The following SMYD2 variants were observed in gnomAD, a reference collection of about 807,000 sequenced individuals.
SMYD2 encodes the protein N-lysine methyltransferase SMYD2.
SMYD2 carries 53 observed loss-of-function variants against 59.1 expected under a neutral mutation model. The ratio of observed to expected loss-of-function variants is 0.90; its 90% CI spans 0.72 to 1.13. SMYD2 has a LOEUF of 1.13. SMYD2 is among the 50% of genes most tolerant of loss of function. The pLI is 0.00. For synonymous variants in SMYD2, 208 were observed against 198.8 expected (o/e 1.05, Z -0.39); for missense variants, 494 against 544.7 (o/e 0.91, Z 0.93).
chr1:214,290,377 G>T (rs1344947848), intron 1 of SMYD2, among the ~76,000 whole-genome samples: 1 of 152,190 alleles, frequency 6.6e-6, no homozygotes, highest in Non-Finnish European at 1.5e-5. Context: ...TCTTGTACAT[G>T]AAGTGGAAGG....
chr1:214,316,206 C>T (rs1039647921), intron 3 of SMYD2, among the ~76,000 whole-genome samples: 4 of 152,144 alleles, frequency 2.6e-5, no homozygotes, highest in Non-Finnish European at 5.9e-5. Flanking sequence ...CATAGTGGCT[C>T]ATACCTGTAA....
rs756823866 is a variant in SMYD2, at chr1:214,299,465, T to TTATATATATA, written c.174-5713_174-5704dup. On this transcript the variant is annotated intron_variant, in intron 1 of 11. Transcript: ENST00000366957. ...AACAGTGAACTGGATAAAGAAAACA[T>TTATATATATA]TATATATATATATATATACACCATA... is the stretch of plus-strand genomic sequence containing the variant. 1.2e-3 allele frequency among the ~76,000 whole-genome samples: 86 copies of TTATATATATA among 71,598 alleles called. 2 individuals are homozygous for TTATATATATA. The highest frequency in any genetic ancestry group is 7.4e-3 in the East Asian group (25 of 3,390). The allele number at this position is 71,598 out of a possible 152,430, so 47.0% of individuals were successfully genotyped here. A position where few individuals can be genotyped will look rare whatever the true frequency, so the allele number is the denominator to read the frequency against.
chr1:214,281,551 G>C (rs1445036466), intron 1 of SMYD2, 124 bp downstream of exon 1: 3 of 893,950 alleles, frequency 3.4e-6, no homozygotes, highest in East Asian at 5.9e-5. Flanking sequence ...GGGCGGGGTG[G>C]GGGGCGGGGA....
At chr1:214,323,129 C>A (rs774880449) in intron 5 of SMYD2, among the ~76,000 whole-genome samples, 1 of 152,124 alleles carries the variant, frequency 6.6e-6, no homozygotes, top group Non-Finnish European at 1.5e-5. Context: ...CAGTTTCGTC[C>A]TCTAAAAAGT....
chr1:214,335,809 A>G (rs1657426570), intron 11 of SMYD2, among the ~76,000 whole-genome samples: 1 of 152,206 alleles, frequency 6.6e-6, no homozygotes, highest in South Asian at 2.1e-4. Flanking sequence ...AAACCACTGG[A>G]AACTTGACCA....
At chr1:214,317,582 C>T (rs749332769) in intron 3 of SMYD2, among the ~76,000 whole-genome samples, 10 of 152,206 alleles carry the variant, frequency 6.6e-5, no homozygotes, top group Non-Finnish European at 1.3e-4. Flanking sequence ...GTGTCTAGAA[C>T]AAAGCCAGCA....
intron 8 of SMYD2, 40 bp downstream of exon 8, chr1:214,330,318 G>T (rs1285204687): frequency 7.4e-7 from 1 of 1,357,184 alleles, no homozygotes; most frequent in South Asian, 1.2e-5. Flanking sequence ...ACTGCACTCT[G>T]ATCTCAGGAC....
intron 1 of SMYD2, among the ~76,000 whole-genome samples, chr1:214,303,999 AAAAGT>A (rs749941529): frequency 1.3e-5 from 2 of 152,260 alleles, no homozygotes; most frequent in African/African-American, 2.4e-5. Context: ...CACTTGGGAA[AAAAGT>A]AAAGAGTTTT....
chr1:214,331,684 T>G (rs1657355539), intron 9 of SMYD2: 1 of 233,520 alleles, frequency 4.3e-6, no homozygotes, highest in Non-Finnish European at 8.4e-6. Context: ...AAGAAAGAAC[T>G]TTGCCACAGT....
At chr1:214,295,690 C>T (rs537959502) in intron 1 of SMYD2, among the ~76,000 whole-genome samples, 21 of 152,316 alleles carry the variant, frequency 1.4e-4, no homozygotes, top group Non-Finnish European at 1.2e-4. Context: ...AGAAGCCCCC[C>T]GCTGCACGTG....
intron 1 of SMYD2, among the ~76,000 whole-genome samples, chr1:214,284,699 AG>A (rs1219179391): frequency 9.2e-5 from 14 of 151,950 alleles, no homozygotes; most frequent in African/African-American, 3.4e-4. Context: ...TATTTTTAGT[AG>A]AGACAGGGTT....
At chr1:214,302,938 G>T (rs911022026) in intron 1 of SMYD2, among the ~76,000 whole-genome samples, 1 of 152,120 alleles carries the variant, frequency 6.6e-6, no homozygotes, top group African/African-American at 2.4e-5. Context: ...CTTAACGCTG[G>T]TGTCAGAGGC....
At chr1:214,293,011 T>TTGTG (rs58012666) in intron 1 of SMYD2, among the ~76,000 whole-genome samples, 16 of 137,438 alleles carry the variant, frequency 1.2e-4, no homozygotes, top group South Asian at 5.3e-4. Flanking sequence ...CTTTTTCTGT[T>TTGTG]TGTGTGTGTG....
chr1:214,300,952 T>C (rs894286040), intron 1 of SMYD2, among the ~76,000 whole-genome samples: 2 of 152,250 alleles, frequency 1.3e-5, no homozygotes, highest in Non-Finnish European at 2.9e-5. Flanking sequence ...ATATGAGTTA[T>C]AGCAATCATT....
chr1:214,307,405 G>A (rs1384552623), intron 2 of SMYD2, among the ~76,000 whole-genome samples: 2 of 152,222 alleles, frequency 1.3e-5, no homozygotes, highest in Non-Finnish European at 2.9e-5. Flanking sequence ...CTAAAGCTTA[G>A]CTTTATGCAA....
intron 2 of SMYD2, among the ~76,000 whole-genome samples, chr1:214,309,424 G>C (rs185678359): frequency 3.2e-4 from 49 of 152,260 alleles, no homozygotes; most frequent in Admixed American, 3.1e-3. Context: ...TTAGAAAGTT[G>C]TTATATAGAA....
chr1:214,300,049 T>C (rs1010786959), intron 1 of SMYD2, among the ~76,000 whole-genome samples: 5 of 152,344 alleles, frequency 3.3e-5, no homozygotes, highest in Non-Finnish European at 5.9e-5. Context: ...GCTCACTACC[T>C]GGGTGATGGT....
chr1:214,316,465 A>G (rs1657086928), intron 3 of SMYD2, among the ~76,000 whole-genome samples: 1 of 152,034 alleles, frequency 6.6e-6, no homozygotes, highest in East Asian at 1.9e-4. Context: ...AGCCTGAGCA[A>G]CAAAGTAAAT....
intron 7 of SMYD2, among the ~76,000 whole-genome samples, chr1:214,328,780 C>T (rs1446447524): frequency 6.6e-6 from 1 of 152,210 alleles, no homozygotes; most frequent in African/African-American, 2.4e-5. Flanking sequence ...CTACCTTCAG[C>T]TAAATCCATT....
Sources: gnomAD v4.1 joint callset for allele counts (sites outside exome capture counted in the v4.1 genomes callset) on GRCh38, gnomAD v4.1.1 for gene constraint, MANE v1.5 for transcripts, NCBI Gene and HGNC (gene_info 2026-07-23, HGNC 2026-07-21) for gene names.